SEMA5B: variants seen among roughly 807,000 people sequenced by gnomAD.
The protein encoded by SEMA5B is semaphorin-5B.
Under a neutral mutation model 135.0 loss-of-function variants are expected in SEMA5B, and 66 were observed. The observed-to-expected ratio is 0.49, with a 90% confidence interval of 0.40 to 0.60. The LOEUF is 0.60. SEMA5B is among the 20% of genes least tolerant of loss of function. The pLI is 0.00. For missense variants in SEMA5B, 1,501 were observed against 1,566.3 expected (o/e 0.96, Z 0.70); for synonymous variants, 690 against 639.5 (o/e 1.08, Z -1.19).
intron 2 of SEMA5B, among the ~76,000 whole-genome samples, chr3:122,950,486 G>A (rs55807707): frequency 0.2 from 30,128 of 152,232 alleles, 3,502 homozygotes; most frequent in Middle Eastern, 0.3. Context: ...TCACACACTG[G>A]AACAACTCCA....
At chr3:122,982,784 C>T (rs145778918) in intron 1 of SEMA5B, among the ~76,000 whole-genome samples, 1,533 of 152,304 alleles carry the variant, frequency 0.01, 22 homozygotes, top group African/African-American at 0.034. Flanking sequence ...ACCATTCACT[C>T]TCCTCTTATT....
In SEMA5B at chr3:122,961,157, A is replaced by G; in HGVS notation, c.107T>C (p.Leu36Pro). Residue 36 changes from leucine (L) to proline (P), a missense_variant, in exon 2 of 23, where the codon CTT (leucine) becomes CCT (proline). By Grantham distance (98) the Leu-to-Pro change is moderately conservative. Transcript: ENST00000357599. Reference sequence around the variant, plus strand: ...ACACTTACCCCTGACCAGTGAGAGAAGCCAGCCCCCTACTGTCCATCCACA... The same window carrying G: ...ACACTTACCCCTGACCAGTGAGAGAGGCCAGCCCCCTACTGTCCATCCACA... ...LRCGWTVGGWLLSLVRGLLPC... is the reference protein window; with the variant it reads ...LRCGWTVGGWPLSLVRGLLPC... 6.2e-7 allele frequency: 1 copy of G among 1,612,870 alleles called. No individual in the cohort carries two copies. The highest frequency in any genetic ancestry group is 8.5e-7 in the Non-Finnish European group (1 of 1,179,246).
chr3:122,961,111 G>A, intron 2 of SEMA5B, 29 bp downstream of exon 2: 1 of 1,577,588 alleles, frequency 6.3e-7, no homozygotes. Context: ...ACCTGCTGCA[G>A]CCCCCCACAC....
chr3:122,943,408 C>G (rs1397823372), intron 4 of SEMA5B, 28 bp downstream of exon 4: 2 of 1,511,520 alleles, frequency 1.3e-6, no homozygotes, highest in Admixed American at 1.9e-5. Flanking sequence ...CCTGCACTTC[C>G]CACCCCGACC....
chr3:122,964,888 C>T (rs1235964904), intron 1 of SEMA5B, among the ~76,000 whole-genome samples: 1 of 152,182 alleles, frequency 6.6e-6, no homozygotes, highest in African/African-American at 2.4e-5. Context: ...CACTCTCCCT[C>T]CTCTTTCATT....
intron 1 of SEMA5B, among the ~76,000 whole-genome samples, chr3:122,986,909 C>A (rs763533037): frequency 1.3e-5 from 2 of 152,094 alleles, no homozygotes; most frequent in Non-Finnish European, 2.9e-5. Flanking sequence ...AGGGCCCGGC[C>A]GTGAGCTAGC....
intron 21 of SEMA5B, 195 bp from the exon 22 acceptor site, chr3:122,911,240 T>G: frequency 8.7e-7 from 1 of 1,148,684 alleles, no homozygotes; most frequent in Admixed American, 2.6e-5. Flanking sequence ...ACCCTGTGGC[T>G]CAAGTCAGAG....
In SEMA5B at chr3:122,913,273, C is replaced by T; in HGVS notation, c.2432G>A (p.Gly811Asp). The T allele has an allele frequency of 6.3e-7, 1 of 1,584,228 alleles. No individual in the cohort carries two copies. Among genetic ancestry groups the T allele is most frequent in the Non-Finnish European group, 8.5e-7 (1 of 1,173,770 alleles). ...GGTCCTTCTCCTGCCGAACTGCAGG[C>T]CGTGCGGGTCTGCAAGGGGCGCGCG... ...TCRAPLADPH[G>D]LQFGRRRTET... The change falls in exon 17 of 23, where the codon GGC (glycine) becomes GAC (aspartate). Residue 811 changes from glycine (G) to aspartate (D), a missense_variant. By Grantham distance (94) the Gly-to-Asp change is moderately conservative. Coordinates refer to ENST00000357599, the MANE Select transcript of SEMA5B (RefSeq NM_001031702.4).
At chr3:122,957,995 C>T (rs1940409607) in intron 2 of SEMA5B, among the ~76,000 whole-genome samples, 1 of 152,252 alleles carries the variant, frequency 6.6e-6, no homozygotes, top group Non-Finnish European at 1.5e-5. Context: ...TCCTGCTGCA[C>T]ACCAGCCTCC....
In SEMA5B at chr3:122,946,910, T is replaced by C. The variant is rs577279401; in HGVS notation, c.328+1596A>G. Among the ~76,000 whole-genome samples, 6 of 152,108 alleles carry C rather than the reference T, an allele frequency of 3.9e-5. No homozygotes were observed. In the South Asian group the frequency reaches 6.2e-4, roughly 16 times the overall value. Reference sequence around the variant, plus strand: ...ATGCATACCTGAGGGTCAAAAATGGTCTCAAGGAACCCAGGCACACACAGA... The same window carrying C: ...ATGCATACCTGAGGGTCAAAAATGGCCTCAAGGAACCCAGGCACACACAGA... On this transcript the variant is annotated intron_variant, in intron 3 of 22. Transcript: ENST00000357599.
At chr3:122,933,105 T>C (rs557888897) in intron 5 of SEMA5B, among the ~76,000 whole-genome samples, 2 of 152,062 alleles carry the variant, frequency 1.3e-5, no homozygotes, top group African/African-American at 2.4e-5. Context: ...ACCTCCATCT[T>C]CCTGCCTAGT....
chr3:122,927,102 C>A (rs942975837), intron 8 of SEMA5B, among the ~76,000 whole-genome samples: 2 of 152,214 alleles, frequency 1.3e-5, no homozygotes, highest in African/African-American at 2.4e-5. Flanking sequence ...ACTGCAATTA[C>A]TTTTGCGCCA....
At chr3:123,013,887 G>C (rs1942493096) in intron 1 of SEMA5B, among the ~76,000 whole-genome samples, 1 of 152,226 alleles carries the variant, frequency 6.6e-6, no homozygotes, top group South Asian at 2.1e-4. Flanking sequence ...ATCGATCTGG[G>C]AGGCTTCTCT....
At chr3:123,024,182 C>G (rs1275526965) in intron 1 of SEMA5B, among the ~76,000 whole-genome samples, 2 of 152,122 alleles carry the variant, frequency 1.3e-5, no homozygotes, top group Non-Finnish European at 2.9e-5. Flanking sequence ...AGAGGGTGAC[C>G]AAGACTAAGC....
rs1045464822 is a variant in SEMA5B, at chr3:122,919,487, C to T, written c.1688+2428G>A. Reference sequence around the variant, plus strand: ...AGGCAGTTGGAGATAACCCCTGGATCCTGGGCAGAGGAGGGAGCCTGAAGA... The same window carrying T: ...AGGCAGTTGGAGATAACCCCTGGATTCTGGGCAGAGGAGGGAGCCTGAAGA... On this transcript the variant is annotated intron_variant, in intron 12 of 22. Coordinates refer to ENST00000357599, the MANE Select transcript of SEMA5B (RefSeq NM_001031702.4). 8.5e-5 allele frequency among the ~76,000 whole-genome samples: 13 copies of T among 152,158 alleles called. 1 individual carries two copies. Among genetic ancestry groups the T allele is most frequent in the Admixed American group, 7.9e-4 (12 of 15,286 alleles).
intron 7 of SEMA5B, 144 bp from the exon 8 acceptor site, chr3:122,928,147 G>A (rs1938748043): frequency 3.4e-6 from 2 of 593,082 alleles, no homozygotes; most frequent in East Asian, 6.3e-5. Flanking sequence ...TCAGCTCATG[G>A]TCCCTCTGAG....
intron 1 of SEMA5B, among the ~76,000 whole-genome samples, chr3:123,020,371 G>A (rs1028318563): frequency 3.9e-5 from 6 of 152,150 alleles, no homozygotes; most frequent in African/African-American, 7.2e-5. Context: ...CTATCTAGAC[G>A]AAACATACAA....
Position 122,927,845 on chromosome 3 carries a change from G to T in SEMA5B, c.795C>A (p.Ser265Arg), listed in dbSNP as rs749362655. The T allele has an allele frequency of 1.3e-6, 2 of 1,582,728 alleles. No homozygotes were observed. The highest frequency in any genetic ancestry group is 1.2e-5 in the South Asian group (1 of 86,224). ...FSGRDPAIYRSLGSGPPLRTA... is the reference protein window; with the variant it reads ...FSGRDPAIYRRLGSGPPLRTA... ...TGCGAAGCGGTGGCCCACTGCCCAG[G>T]CTGCGGTAGATGGCAGGGTCCCGAC... Residue 265 changes from serine (S) to arginine (R), a missense_variant, in exon 8 of 23, where the codon AGC (serine) becomes AGA (arginine). Physicochemically the swap from Ser to Arg is moderately radical, Grantham distance 110. Coordinates refer to ENST00000357599, the MANE Select transcript of SEMA5B (RefSeq NM_001031702.4).
intron 5 of SEMA5B, among the ~76,000 whole-genome samples, chr3:122,931,985 T>TGGC (rs1366404840): frequency 6.6e-6 from 1 of 152,234 alleles, no homozygotes; most frequent in Non-Finnish European, 1.5e-5. Flanking sequence ...AGACTGCACC[T>TGGC]GGCTGAATGT....
Sources: allele counts gnomAD v4.1 joint callset (sites outside exome capture counted in the v4.1 genomes callset), GRCh38; gene constraint gnomAD v4.1.1; transcripts MANE v1.5; gene names NCBI Gene and HGNC (gene_info 2026-07-23, HGNC 2026-07-21).